The following ETAA1 variants were observed in gnomAD, a reference collection of about 807,000 sequenced individuals.
The protein encoded by ETAA1 is ETAA1 activator of ATR kinase, also known as ewing's tumor-associated antigen 1.
Under a neutral mutation model 76.8 loss-of-function variants are expected in ETAA1, and 49 were observed. The ratio of observed to expected loss-of-function variants is 0.64; its 90% confidence interval spans 0.51 to 0.81. The LOEUF (loss-of-function observed/expected upper bound fraction) is 0.81. Ranked by LOEUF, ETAA1 falls within the 30% of genes least tolerant of loss-of-function variation. The probability of loss-of-function intolerance (pLI) is 0.00; values close to 1 mark genes in which losing one functional copy is unlikely to be tolerated. For missense variants in ETAA1, 1,099 were observed against 1,074.0 expected, an observed-to-expected ratio of 1.02 and a Z score of -0.32; for synonymous variants, 373 against 372.2, an observed-to-expected ratio of 1.00 and a Z score of -0.03.
At position 67,409,936 on chromosome 2, in the gene ETAA1, T is replaced by A. The variant is rs1291631922; in HGVS notation, c.2679T>A (p.Cys893Ter). 4.4e-6 allele frequency: 7 copies of A among 1,604,784 alleles called. No individual in the cohort carries two copies. In the East Asian group the frequency reaches 1.6e-4, roughly 36 times the overall value. ...SKEEEEKNRK[C>*]SPEEIQRKRQ... ...AGGAAGAAGAGAAAAATAGAAAGTG[T>A]TCTCCTGAAGAAATTCAGAGAAAAA... is the stretch of plus-strand genomic sequence containing the variant. The change falls in exon 6 of 6, where the codon TGT becomes TGA. Residue 893 changes from cysteine (C) to a stop codon, truncating the protein, a stop_gained. Coordinates refer to ENST00000272342, the MANE Select transcript of ETAA1 (RefSeq NM_019002.4). LOFTEE classifies it high-confidence loss of function.
chr2:67,401,788 G>A (rs1441201554), intron 3 of ETAA1: 1 of 151,858 alleles, frequency 6.6e-6, no homozygotes, highest in African/African-American at 2.4e-5. Context: ...AATATATTGA[G>A]TCTGAAAGTG....
rs1676139298 is a variant in ETAA1 at position 67,404,215 on chromosome 2, TACTA to T, written c.1537_1540del (p.Asn513LeufsTer11). 3 of 1,611,922 alleles carry T rather than the reference TACTA, an allele frequency of 1.9e-6. No individual in the cohort carries two copies. Among genetic ancestry groups the T allele is most frequent in the Non-Finnish European group, 2.5e-6 (3 of 1,178,994 alleles). ...TGACAAAAATAAAGGAAGATATTCTTACTAACTCTACTGAAGCTTCTGAAAGGAA... is the reference window on the plus strand; with the variant it reads ...TGACAAAAATAAAGGAAGATATTCTTACTCTACTGAAGCTTCTGAAAGGAA... On this transcript the variant is annotated frameshift_variant, in exon 5 of 6. Coordinates refer to ENST00000272342, the MANE Select transcript of ETAA1 (RefSeq NM_019002.4). LOFTEE classifies it high-confidence loss of function.
chr2:67,405,311 G>A lies in ETAA1; in HGVS notation c.2629G>A (p.Glu877Lys). 1 of 1,544,532 alleles carries A rather than the reference G, an allele frequency of 6.5e-7. No homozygotes were observed. The highest frequency in any genetic ancestry group is 8.7e-7 in the Non-Finnish European group (1 of 1,149,058). The change falls in exon 5 of 6, where the codon GAA becomes AAA. Residue 877 changes from glutamate (E) to lysine (K), a missense_variant. Transcript: ENST00000272342. Reference protein sequence around the residue: ...VGQQSLVKLSESLKQSSKEEE... With the variant: ...VGQQSLVKLSKSLKQSSKEEE... Reference sequence around the variant, plus strand: ...ACAGCAATCTTTGGTGAAACTTTCTGAATCTTTGAAACAATCTTCAAAAGG... The same window carrying A: ...ACAGCAATCTTTGGTGAAACTTTCTAAATCTTTGAAACAATCTTCAAAAGG...
chr2:67,401,629 G>C (rs1676059099), intron 3 of ETAA1: 1 of 151,680 alleles, frequency 6.6e-6, no homozygotes, highest in African/African-American at 2.4e-5. Flanking sequence ...AACATACATA[G>C]GACCCATGTA....
chr2:67,405,441 C>A, intron 5 of ETAA1, 106 bp downstream of exon 5: 2 of 767,074 alleles, frequency 2.6e-6, no homozygotes, highest in Non-Finnish European at 4.0e-6. Flanking sequence ...TAAAACTATT[C>A]TATGACTAGT....
rs1017727635 is a variant in ETAA1 at position 67,404,894 on chromosome 2, A to T, written c.2212A>T (p.Met738Leu). The T allele has an allele frequency of 2.5e-6, 4 of 1,612,976 alleles. No individual in the cohort carries two copies. Among genetic ancestry groups the T allele is most frequent in the Non-Finnish European group, 3.4e-6 (4 of 1,179,344 alleles). ...ATTTTTAGGTGCCACAAATTTGACTATGTATTCTAAGATCTCAAACTGTCA... is the reference window on the plus strand; with the variant it reads ...ATTTTTAGGTGCCACAAATTTGACTTTGTATTCTAAGATCTCAAACTGTCA... ...PRFLGATNLT[M>L]YSKISNCQIN... Residue 738 changes from methionine to leucine, a missense_variant, in exon 5 of 6, where the codon ATG becomes TTG. Physicochemically the swap from Met to Leu is conservative, Grantham distance 15. Around this residue, in one of 3 missense-constraint regions of ETAA1, gnomAD observed 302 missense variants for 278.1 expected, o/e 1.09. Transcript: ENST00000272342.
chr2:67,399,126 C>G lies in ETAA1; in HGVS notation c.224-43C>G, dbSNP rs1485262631. ...TGGGGTCTTACGAAGTAAGGTAATGCTTTAAAATGCAACAATTGTTATTTT... is the reference window on the plus strand; with the variant it reads ...TGGGGTCTTACGAAGTAAGGTAATGGTTTAAAATGCAACAATTGTTATTTT... On this transcript the variant is annotated intron_variant, in intron 1 of 5. Transcript: ENST00000272342. The G allele has an allele frequency of 2.5e-6, 4 of 1,574,366 alleles. No homozygotes were observed. The Admixed American group carries it at 7.1e-5, about 28-fold the overall frequency.
chr2:67,401,303 T>TAA (rs546616552), intron 3 of ETAA1: 1 of 151,698 alleles, frequency 6.6e-6, no homozygotes, highest in Non-Finnish European at 1.5e-5. Context: ...GACAAATACT[T>TAA]ATATTGTTTA....
chr2:67,407,372 A>C (rs897359876), intron 5 of ETAA1, among the ~76,000 whole-genome samples: 3 of 152,140 alleles, frequency 2.0e-5, no homozygotes, highest in Non-Finnish European at 4.4e-5. Context: ...GGGTTGGACA[A>C]GCTTGCTTTA....
chr2:67,401,512 G>A (rs906779039), intron 3 of ETAA1: 1 of 151,814 alleles, frequency 6.6e-6, no homozygotes, highest in Non-Finnish European at 1.5e-5. Context: ...ATGAAATGAA[G>A]TAATGCATTT....
chr2:67,397,478 C>G lies in ETAA1; in HGVS notation c.30C>G (p.Ser10Arg). ...GTCGGCGAAGGAAACATGATGACAG[C>G]CCTAGCCCGAAGAAAACGCCGCACA... Reference protein sequence around the residue: MSRRRKHDDSPSPKKTPHKT... With the variant: MSRRRKHDDRPSPKKTPHKT... The change falls in exon 1 of 6, where the codon AGC (serine) becomes AGG (arginine). Residue 10 changes from serine to arginine, a missense_variant. Physicochemically the swap from Ser to Arg is moderately radical, Grantham distance 110. Around this residue, in one of 3 missense-constraint regions of ETAA1, gnomAD observed 761 missense variants for 731.9 expected, o/e 1.04. Transcript: ENST00000272342. 6.2e-7 allele frequency: 1 copy of G among 1,602,404 alleles called. No individual in the cohort carries two copies. Among genetic ancestry groups the G allele is most frequent in the East Asian group, 2.3e-5 (1 of 44,306 alleles).
chr2:67,407,999 C>T (rs1322386749), intron 5 of ETAA1, among the ~76,000 whole-genome samples: 2 of 151,974 alleles, frequency 1.3e-5, no homozygotes. Flanking sequence ...TGAGTTTTCC[C>T]AAAACTCCTA....
intron 1 of ETAA1, among the ~76,000 whole-genome samples, 195 bp downstream of exon 1, chr2:67,397,866 G>A (rs1166478039): frequency 6.6e-6 from 1 of 152,108 alleles, no homozygotes; most frequent in Non-Finnish European, 1.5e-5. Context: ...GCACTACCCC[G>A]TTAGGTTTGA....
chr2:67,400,355 C>T (rs1178119019), intron 3 of ETAA1: 1 of 152,076 alleles, frequency 6.6e-6, no homozygotes, highest in East Asian at 1.9e-4. Flanking sequence ...CATGGTGACT[C>T]ATTCCTGTAA....
rs1470969574 is a variant in ETAA1 at position 67,404,821 on chromosome 2, TA to T, written c.2141del (p.Lys714SerfsTer3). ...TSLTNSSQID[K>X]PMKMEKGEMY... ...CTTTGACAAATAGCTCACAAATAGA[TA>T]AGCCAATGAAGATGGAGAAAGGGGA... On this transcript the variant is annotated frameshift_variant, in exon 5 of 6. Coordinates refer to ENST00000272342, the MANE Select transcript of ETAA1 (RefSeq NM_019002.4). LOFTEE classifies it high-confidence loss of function. 6.2e-7 allele frequency: 1 copy of T among 1,613,390 alleles called. No homozygotes were observed. The highest frequency in any genetic ancestry group is 1.1e-5 in the South Asian group (1 of 91,062).
In ETAA1 at chr2:67,405,015, T is replaced by G; in HGVS notation, c.2333T>G (p.Val778Gly). The G allele has an allele frequency of 6.2e-7, 1 of 1,611,740 alleles. No individual in the cohort carries two copies. The highest frequency in any genetic ancestry group is 8.5e-7 in the Non-Finnish European group (1 of 1,178,608). Residue 778 changes from valine (V) to glycine (G), a missense_variant, in exon 5 of 6, where the codon GTA becomes GGA. Val to Gly is a moderately radical substitution (Grantham distance 109). This residue lies in a region of ETAA1 where 302 missense variants were observed against 278.1 expected (regional missense o/e 1.09). Transcript: ENST00000272342. ...CTTCCAGGAAGTTCAAGTTTGAATG[T>G]AACTTCAGATCATATGAATACAGAA... ...LVLPGSSSLN[V>G]TSDHMNTEIT...
In ETAA1 at chr2:67,404,777, A is replaced by G; in HGVS notation, c.2095A>G (p.Ser699Gly). 1.2e-6 allele frequency: 2 copies of G among 1,613,472 alleles called. No homozygotes were observed. Among genetic ancestry groups the G allele is most frequent in the African/African-American group, 1.3e-5 (1 of 75,022 alleles). The change falls in exon 5 of 6, where the codon AGC (serine) becomes GGC (glycine). Residue 699 changes from serine to glycine, a missense_variant. Ser to Gly is a moderately conservative substitution (Grantham distance 56). This residue lies in a region of ETAA1 where 302 missense variants were observed against 278.1 expected (regional missense o/e 1.09). Coordinates refer to ENST00000272342, the MANE Select transcript of ETAA1 (RefSeq NM_019002.4). Reference protein sequence around the residue: ...LVQSKHLNPGSISVQTSLTNS... With the variant: ...LVQSKHLNPGGISVQTSLTNS... ...ACAATCAAAGCATTTGAATCCAGGC[A>G]GCATTTCAGTGCAGACATCTTTGAC...
chr2:67,403,221 A>G lies in ETAA1; in HGVS notation c.543-4A>G. 1 of 1,514,306 alleles carries G rather than the reference A, an allele frequency of 6.6e-7. No individual in the cohort carries two copies. Among genetic ancestry groups the G allele is most frequent in the Non-Finnish European group, 8.9e-7 (1 of 1,124,798 alleles). 93.8% of individuals were successfully genotyped at this position (1,514,306 alleles called of 1,614,324 possible). On this transcript the variant is annotated splice_polypyrimidine_tract_variant and splice_region_variant and intron_variant, in intron 4 of 5. Transcript: ENST00000272342. ...TTTAGTTATTTTTTAATCTTGTTTA[A>G]TAGGTTAAAAACACAAAGTCAAGAA...
rs1444612835 is a variant in ETAA1 at position 67,405,000 on chromosome 2, G to T, written c.2318G>T (p.Ser773Ile). ...VNSSKLVLPG[S>I]SSLNVTSDHM... Reference sequence around the variant, plus strand: ...AGTTCCAAATTGGTTCTTCCAGGAAGTTCAAGTTTGAATGTAACTTCAGAT... The same window carrying T: ...AGTTCCAAATTGGTTCTTCCAGGAATTTCAAGTTTGAATGTAACTTCAGAT... The change falls in exon 5 of 6, where the codon AGT (serine) becomes ATT (isoleucine). Residue 773 changes from serine (S) to isoleucine (I), a missense_variant. Ser to Ile is a moderately radical substitution (Grantham distance 142, BLOSUM62 -2). This residue lies in a region of ETAA1 where 302 missense variants were observed against 278.1 expected (regional missense o/e 1.09). Coordinates refer to ENST00000272342, the MANE Select transcript of ETAA1 (RefSeq NM_019002.4). 3 of 1,612,050 alleles carry T rather than the reference G, an allele frequency of 1.9e-6. No individual in the cohort carries two copies. Among genetic ancestry groups the T allele is most frequent in the Admixed American group, 1.7e-5 (1 of 59,740 alleles).
Sources: gnomAD v4.1 joint callset for allele counts (sites outside exome capture counted in the v4.1 genomes callset) on GRCh38, gnomAD v4.1.1 for gene constraint, gnomAD v4.1.1 regional missense constraint, MANE v1.5 for transcripts, NCBI Gene and HGNC (gene_info 2026-07-23, HGNC 2026-07-21) for gene names.